Variants in ATP2B1 observed in about 807,000 individuals in gnomAD.
ATP2B1 encodes ATPase plasma membrane Ca2+ transporting 1, also known as plasma membrane calcium-transporting ATPase 1.
In ATP2B1, 14 loss-of-function variants were observed where a neutral mutation model predicts 124.2. That is an observed-to-expected ratio of 0.11 (90% CI 0.07 to 0.18). The LOEUF is 0.18. Ranked by LOEUF, ATP2B1 falls within the 10% of genes least tolerant of loss-of-function variation. ATP2B1 has a pLI of 1.00. For synonymous variants in ATP2B1, 449 were observed against 492.4 expected (o/e 0.91, Z 1.17); for missense variants, 763 against 1,466.1 (o/e 0.52, Z 7.83).
intron 2 of ATP2B1, 57 bp downstream of exon 2, chr12:89,655,622 G>T: frequency 6.6e-7 from 1 of 1,510,588 alleles, no homozygotes; most frequent in Non-Finnish European, 9.2e-7. Context: ...TCATTTATAA[G>T]CCAAATATAT....
At chr12:89,658,334 C>T (rs898631972) in intron 1 of ATP2B1, among the ~76,000 whole-genome samples, 1 of 152,104 alleles carries the variant, frequency 6.6e-6, no homozygotes. Flanking sequence ...GTAGCTTCTT[C>T]ACCTCTGCCT....
chr12:89,692,628 C>T (rs1168412282), intron 1 of ATP2B1, among the ~76,000 whole-genome samples: 1 of 152,122 alleles, frequency 6.6e-6, no homozygotes, highest in African/African-American at 2.4e-5. Context: ...GGTATGAGAG[C>T]AATCTGCAAG....
At chr12:89,633,930 A>C (rs1036220015) in intron 5 of ATP2B1, among the ~76,000 whole-genome samples, 2 of 152,196 alleles carry the variant, frequency 1.3e-5, no homozygotes, top group Non-Finnish European at 2.9e-5. Flanking sequence ...GAAAATAAGA[A>C]TAGGAACCCC....
chr12:89,595,839 AG>A (rs1474475493), intron 20 of ATP2B1, among the ~76,000 whole-genome samples: 1 of 152,106 alleles, frequency 6.6e-6, no homozygotes, highest in Non-Finnish European at 1.5e-5. Flanking sequence ...CCAAGAACAT[AG>A]GACACAGAAT....
intron 12 of ATP2B1, 69 bp from the exon 13 acceptor site, chr12:89,611,441 CA>C (rs1877989227): frequency 3.9e-6 from 5 of 1,266,016 alleles, no homozygotes. Flanking sequence ...TATTTCACTG[CA>C]CACGACTGCA....
At chr12:89,661,668 A>G (rs958235652) in intron 1 of ATP2B1, among the ~76,000 whole-genome samples, 1 of 152,190 alleles carries the variant, frequency 6.6e-6, no homozygotes, top group African/African-American at 2.4e-5. Context: ...TTTGACTAAC[A>G]AAGAACTAAA....
At chr12:89,653,431 G>A (rs1257694589) in intron 2 of ATP2B1, among the ~76,000 whole-genome samples, 1 of 151,178 alleles carries the variant, frequency 6.6e-6, no homozygotes, top group African/African-American at 2.4e-5. Context: ...CGAGTAGCTG[G>A]GACTACAGGC....
intron 1 of ATP2B1, among the ~76,000 whole-genome samples, chr12:89,656,891 G>A (rs1190757156): frequency 6.6e-6 from 1 of 152,076 alleles, no homozygotes; most frequent in Non-Finnish European, 1.5e-5. Context: ...TTAGTTCTGA[G>A]GGCAGAGTTT....
At position 89,621,668 on chromosome 12, in the gene ATP2B1, C is replaced by T; in HGVS notation, c.1468G>A (p.Ala490Thr). The change falls in exon 10 of 21, where the codon GCT (alanine) becomes ACT (threonine). Residue 490 changes from alanine to threonine, a missense_variant. Transcript: ENST00000428670. Reference protein sequence around the residue: ...LTMNRMTVVQAYINEKHYKKV... With the variant: ...LTMNRMTVVQTYINEKHYKKV... The stretch of plus-strand genomic sequence containing the variant: ...TTATAATGTTTTTCATTTATGTAAG[C>T]TTGAACGACTGTCATTCTGTTCATT... The T allele has an allele frequency of 6.2e-7, 1 of 1,612,008 alleles. No individual in the cohort carries two copies. The highest frequency in any genetic ancestry group is 1.1e-5 in the South Asian group (1 of 90,818).
chr12:89,612,164 T>C (rs1036682263), intron 12 of ATP2B1: 8 of 152,196 alleles, frequency 5.3e-5, no homozygotes, highest in African/African-American at 1.2e-4. Context: ...ACATATGATA[T>C]ACTTGATGGT....
At chr12:89,622,136 C>T (rs982523298) in intron 9 of ATP2B1, among the ~76,000 whole-genome samples, 1 of 151,950 alleles carries the variant, frequency 6.6e-6, no homozygotes, top group Admixed American at 6.6e-5. Context: ...AGAGCAATGA[C>T]AATCTGTACT....
chr12:89,637,464 T>C (rs1156823491), intron 3 of ATP2B1, among the ~76,000 whole-genome samples: 1 of 151,102 alleles, frequency 6.6e-6, no homozygotes, highest in East Asian at 2.0e-4. Context: ...CAGGCTGGAG[T>C]GCAGTGGTGC....
intron 3 of ATP2B1, among the ~76,000 whole-genome samples, chr12:89,637,580 G>A (rs1172467590): frequency 3.3e-5 from 5 of 151,894 alleles, no homozygotes; most frequent in African/African-American, 1.2e-4. Flanking sequence ...AAAATTTTCT[G>A]TAGAGATGGG....
At chr12:89,703,142 T>C (rs1032754374) in intron 1 of ATP2B1, among the ~76,000 whole-genome samples, 1 of 152,178 alleles carries the variant, frequency 6.6e-6, no homozygotes, top group Non-Finnish European at 1.5e-5. Context: ...TTATAAAATA[T>C]ATTTTAAATG....
chr12:89,642,129 A>T, intron 3 of ATP2B1, 29 bp downstream of exon 3: 1 of 1,572,554 alleles, frequency 6.4e-7, no homozygotes, highest in Non-Finnish European at 8.7e-7. Context: ...CTAGCATCAG[A>T]CATGTCTTTT....
intron 7 of ATP2B1, 127 bp downstream of exon 7, chr12:89,627,551 C>T (rs1445492637): frequency 1.0e-6 from 1 of 1,001,550 alleles, no homozygotes; most frequent in East Asian, 2.5e-5. Flanking sequence ...GAAAGGTTAA[C>T]CCAAGCTAAC....
At chr12:89,693,611 CT>C (rs934802879) in intron 1 of ATP2B1, among the ~76,000 whole-genome samples, 5 of 21,526 alleles carry the variant, frequency 2.3e-4, no homozygotes, top group Non-Finnish European at 6.0e-4. Context: ...CTTTAAAAAC[CT>C]TCCTTTTCCA....
intron 6 of ATP2B1, 66 bp from the exon 7 acceptor site, chr12:89,627,782 A>C: frequency 6.6e-7 from 1 of 1,505,524 alleles, no homozygotes; most frequent in Non-Finnish European, 9.2e-7. Flanking sequence ...TAAATTATGC[A>C]GAAGTAGTTC....
At chr12:89,645,813 G>A (rs1482130805) in intron 2 of ATP2B1, among the ~76,000 whole-genome samples, 3 of 152,168 alleles carry the variant, frequency 2.0e-5, no homozygotes, top group African/African-American at 7.2e-5. Context: ...ACCTTAAAGT[G>A]CAATGAAAAC....
Sources: allele counts gnomAD v4.1 joint callset (sites outside exome capture counted in the v4.1 genomes callset), GRCh38; gene constraint gnomAD v4.1.1; transcripts MANE v1.5; gene names NCBI Gene and HGNC (gene_info 2026-07-23, HGNC 2026-07-21).